PRR16: variants seen among roughly 807,000 people sequenced by gnomAD.
PRR16 encodes the protein protein Largen.
PRR16 carries 6 observed loss-of-function variants against 18.2 expected under a neutral mutation model. That is an observed-to-expected ratio of 0.33 (90% CI 0.18 to 0.65). The LOEUF (loss-of-function observed/expected upper bound fraction) is 0.65. Ranked by LOEUF, PRR16 falls within the 30% of genes least tolerant of loss-of-function variation. The probability of loss-of-function intolerance (pLI) is 0.74; values close to 1 mark genes in which losing one functional copy is unlikely to be tolerated. For synonymous variants in PRR16, 151 were observed against 147.8 expected (o/e 1.02, Z -0.16); for missense variants, 412 against 376.6 (o/e 1.09, Z -0.78).
In PRR16 at chr5:120,686,165, C is replaced by A; in HGVS notation, c.371C>A (p.Pro124Gln). 6.2e-7 allele frequency: 1 copy of A among 1,614,148 alleles called. No homozygotes were observed. The highest frequency in any genetic ancestry group is 8.5e-7 in the Non-Finnish European group (1 of 1,180,014). ...LTVLRKPNPPPPPPRLTPVKC... is the reference protein window; with the variant it reads ...LTVLRKPNPPQPPPRLTPVKC... The stretch of plus-strand genomic sequence containing the variant: ...GTCCTGAGAAAGCCAAACCCTCCAC[C>A]ACCTCCTCCAAGGTTGACACCTGTG... Residue 124 changes from proline to glutamine, a missense_variant, in exon 2 of 2, where the codon CCA becomes CAA. By Grantham distance (76) the Pro-to-Gln change is moderately conservative (BLOSUM62 -1). Coordinates refer to ENST00000407149, the MANE Select transcript of PRR16 (RefSeq NM_001300783.2).
the PRR16 span, among the ~76,000 whole-genome samples, chr5:120,788,719 T>C: frequency 6.6e-6 from 1 of 152,094 alleles, no homozygotes; most frequent in Non-Finnish European, 1.5e-5. Flanking sequence ...TGAAAGATTG[T>C]TTTTTACTAT....
the PRR16 span, among the ~76,000 whole-genome samples, chr5:120,745,125 G>A: frequency 6.6e-6 from 1 of 152,136 alleles, no homozygotes; most frequent in Admixed American, 6.6e-5. Context: ...AAGATAATGA[G>A]ATTGTCAAAG....
At chr5:120,520,356 C>T (rs1426794920) in intron 1 of PRR16, among the ~76,000 whole-genome samples, 1 of 152,116 alleles carries the variant, frequency 6.6e-6, no homozygotes, top group Non-Finnish European at 1.5e-5. Flanking sequence ...GATCATGCCA[C>T]TGCACTCCAG....
Position 120,686,510 on chromosome 5 carries a change from A to G in PRR16, c.716A>G (p.His239Arg). The G allele has an allele frequency of 6.2e-7, 1 of 1,613,862 alleles. No homozygotes were observed. The highest frequency in any genetic ancestry group is 1.3e-5 in the African/African-American group (1 of 74,984). Residue 239 changes from histidine (H) to arginine (R), a missense_variant, in exon 2 of 2, where the codon CAC becomes CGC. By Grantham distance (29) the His-to-Arg change is conservative. Transcript: ENST00000407149. The part of the protein sequence containing the change: ...REVHLHSEPV[H>R]PPGKIPHQGP... ...GTCCACTTACACAGTGAACCTGTCC[A>G]CCCACCGGGAAAGATTCCTCACCAA...
At chr5:120,776,660 CATTT>C in the PRR16 span, among the ~76,000 whole-genome samples, 1,223 of 152,118 alleles carry the variant, frequency 8.0e-3, 7 homozygotes, top group Middle Eastern at 0.027. Context: ...GATTTAAAAT[CATTT>C]ATTTCAAAAC....
At chr5:120,749,778 T>A in the PRR16 span, among the ~76,000 whole-genome samples, 1 of 152,284 alleles carries the variant, frequency 6.6e-6, no homozygotes, top group African/African-American at 2.4e-5. Context: ...CAGAAAGGAA[T>A]ATGCACATGG....
the PRR16 span, among the ~76,000 whole-genome samples, chr5:120,749,984 T>G: frequency 6.6e-6 from 1 of 152,208 alleles, no homozygotes; most frequent in Non-Finnish European, 1.5e-5. Flanking sequence ...CATGGTATAA[T>G]GAAGATTAGA....
At chr5:120,690,237 G>A (rs988952890), downstream of PRR16, among the ~76,000 whole-genome samples, 4 of 152,186 alleles carry the variant, frequency 2.6e-5, no homozygotes, top group African/African-American at 9.6e-5. Context: ...TGAATCTACA[G>A]AGTCTAACTA....
chr5:120,530,912 A>G (rs1455490335), intron 1 of PRR16, among the ~76,000 whole-genome samples: 4 of 152,324 alleles, frequency 2.6e-5, no homozygotes, highest in African/African-American at 7.2e-5. Context: ...TTCGAGTAAG[A>G]TAGAATCTTG....
chr5:120,482,288 T>G (rs1336589345), intron 1 of PRR16, among the ~76,000 whole-genome samples: 3 of 152,058 alleles, frequency 2.0e-5, no homozygotes, highest in Non-Finnish European at 4.4e-5. Flanking sequence ...GCTTCTTCTC[T>G]CCCCCCATTA....
intron 1 of PRR16, among the ~76,000 whole-genome samples, chr5:120,537,720 A>T (rs924376192): frequency 6.6e-6 from 1 of 152,018 alleles, no homozygotes; most frequent in African/African-American, 2.4e-5. Flanking sequence ...AAACTTTCAA[A>T]TAATTTTGTA....
At chr5:120,663,225 G>T (rs1266651679) in intron 1 of PRR16, among the ~76,000 whole-genome samples, 2 of 151,872 alleles carry the variant, frequency 1.3e-5, no homozygotes, top group African/African-American at 4.8e-5. Flanking sequence ...TCCCTTAGCT[G>T]ATAGTATTTC....
chr5:120,706,552 T>C, the PRR16 span, among the ~76,000 whole-genome samples: 49 of 152,244 alleles, frequency 3.2e-4, no homozygotes, highest in African/African-American at 1.2e-3. Flanking sequence ...AAAAGAGACA[T>C]TTTGGGTTTT....
chr5:120,727,261 C>T, the PRR16 span, among the ~76,000 whole-genome samples: 1 of 152,044 alleles, frequency 6.6e-6, no homozygotes, highest in Admixed American at 6.6e-5. Flanking sequence ...TTACATGTTG[C>T]ATACTTTTCT....
At chr5:120,647,171 C>G (rs183688290) in intron 1 of PRR16, among the ~76,000 whole-genome samples, 1 of 151,560 alleles carries the variant, frequency 6.6e-6, no homozygotes, top group Non-Finnish European at 1.5e-5. Flanking sequence ...AACGTTATGG[C>G]GGGAGAAGTA....
chr5:120,785,376 G>A, the PRR16 span, among the ~76,000 whole-genome samples: 1 of 152,016 alleles, frequency 6.6e-6, no homozygotes, highest in African/African-American at 2.4e-5. Context: ...AGAATGCCCA[G>A]CATCAAGAAA....
At chr5:120,720,521 A>G in the PRR16 span, among the ~76,000 whole-genome samples, 3 of 152,186 alleles carry the variant, frequency 2.0e-5, no homozygotes, top group East Asian at 1.9e-4. Context: ...TAACATTCAC[A>G]TAACTGGTCT....
intron 1 of PRR16, among the ~76,000 whole-genome samples, chr5:120,651,446 G>A (rs1580833627): frequency 1.3e-5 from 2 of 152,058 alleles, no homozygotes; most frequent in Admixed American, 1.3e-4. Flanking sequence ...TTCTTCTAGG[G>A]TTTTTATGGT....
intron 1 of PRR16, among the ~76,000 whole-genome samples, chr5:120,680,843 G>T (rs902518753): frequency 3.9e-5 from 6 of 152,160 alleles, no homozygotes; most frequent in Admixed American, 3.9e-4. Context: ...CACTTCACGT[G>T]AATTGCTACT....
Sources: gnomAD v4.1 joint callset for allele counts (sites outside exome capture counted in the v4.1 genomes callset) on GRCh38, gnomAD v4.1.1 for gene constraint, MANE v1.5 for transcripts, NCBI Gene and HGNC (gene_info 2026-07-23, HGNC 2026-07-21) for gene names.